The following SEMA3A variants were observed in gnomAD, a reference collection of about 807,000 sequenced individuals.
SEMA3A encodes the protein semaphorin-3A.
A neutral mutation model predicts 97.9 loss-of-function variants in SEMA3A; 29 were observed. The ratio of observed to expected loss-of-function variants is 0.30; its 90% CI spans 0.22 to 0.40. The LOEUF (loss-of-function observed/expected upper bound fraction) is 0.40. Ranked by LOEUF, SEMA3A falls within the 10% of genes least tolerant of loss-of-function variation. The probability of loss-of-function intolerance (pLI) is 1.00; values close to 1 mark genes in which losing one functional copy is unlikely to be tolerated. For missense variants in SEMA3A, 763 were observed against 951.3 expected, an observed-to-expected ratio of 0.80 and a Z score of 2.60; for synonymous variants, 321 against 323.7, an observed-to-expected ratio of 0.99 and a Z score of 0.09.
At chr7:84,261,207 G>A (rs1799849301) in intron 3 of SEMA3A, among the ~76,000 whole-genome samples, 2 of 152,122 alleles carry the variant, frequency 1.3e-5, no homozygotes, top group Non-Finnish European at 2.9e-5. Flanking sequence ...GTGGATAGGA[G>A]CTACTCACTT....
At chr7:84,065,692 C>A (rs1195754832) in intron 4 of SEMA3A, among the ~76,000 whole-genome samples, 1 of 152,132 alleles carries the variant, frequency 6.6e-6, no homozygotes, top group Non-Finnish European at 1.5e-5. Flanking sequence ...AATTCCTCGA[C>A]GTATACACTC....
At chr7:84,017,991 A>G (rs1009908092) in intron 6 of SEMA3A, among the ~76,000 whole-genome samples, 4 of 152,174 alleles carry the variant, frequency 2.6e-5, no homozygotes, top group Admixed American at 2.0e-4. Flanking sequence ...TCTGCTATAA[A>G]TTGAAGCTAT....
At chr7:84,401,932 C>T (rs1050404391) in intron 1 of SEMA3A, among the ~76,000 whole-genome samples, 28 of 152,110 alleles carry the variant, frequency 1.8e-4, no homozygotes, top group African/African-American at 6.0e-4. Context: ...CTTCAGGATG[C>T]TGTTCTGGGC....
Position 84,120,527 on chromosome 7 carries a change from T to A in SEMA3A, c.333+8596A>T, listed in dbSNP as rs555385146. Among the ~76,000 whole-genome samples the A allele has an allele frequency of 1.1e-4, 17 of 152,262 alleles. No homozygotes were observed. The South Asian group carries it at 3.5e-3, about 32-fold the overall frequency. On this transcript the variant is annotated intron_variant, in intron 3 of 16. Coordinates refer to ENST00000265362, the MANE Select transcript of SEMA3A (RefSeq NM_006080.3). ...TAATTATTCAGTTCAGTGTACCAGATATTTACCCACAAACAGATACAGACA... is the reference window on the plus strand; with the variant it reads ...TAATTATTCAGTTCAGTGTACCAGAAATTTACCCACAAACAGATACAGACA...
At chr7:84,038,462 T>C (rs958086925) in intron 6 of SEMA3A, among the ~76,000 whole-genome samples, 2 of 152,196 alleles carry the variant, frequency 1.3e-5, no homozygotes, top group Non-Finnish European at 2.9e-5. Flanking sequence ...CATAAATTAA[T>C]TCATATGTGA....
chr7:84,323,921 A>T (rs1801714510), intron 2 of SEMA3A, among the ~76,000 whole-genome samples: 2 of 152,184 alleles, frequency 1.3e-5, no homozygotes, highest in Non-Finnish European at 2.9e-5. Context: ...GTGACTTTAA[A>T]ATCATATATA....
chr7:84,281,122 C>T (rs1750803333), intron 3 of SEMA3A, among the ~76,000 whole-genome samples: 1 of 152,110 alleles, frequency 6.6e-6, no homozygotes, highest in Non-Finnish European at 1.5e-5. Flanking sequence ...GCCATTGCTC[C>T]TGAATTTTGA....
At chr7:84,321,872 G>GAAAACAAAAAAA (rs1801655049) in intron 2 of SEMA3A, among the ~76,000 whole-genome samples, 1 of 12,062 alleles carries the variant, frequency 8.3e-5, no homozygotes, top group Non-Finnish European at 1.8e-4. Flanking sequence ...CGAGACTACG[G>GAAAACAAAAAAA]AAAAAAAAAA....
At chr7:84,467,746 T>C (rs1806040170) in intron 1 of SEMA3A, among the ~76,000 whole-genome samples, 1 of 152,062 alleles carries the variant, frequency 6.6e-6, no homozygotes, top group African/African-American at 2.4e-5. Flanking sequence ...ACACAGACCA[T>C]TTTCTCTACC....
chr7:84,050,971 T>C lies in SEMA3A; in HGVS notation c.548-4528A>G, dbSNP rs1792605735. Reference sequence around the variant, plus strand: ...GCACCATTTATTAAATAGGGAATCCTTTCCCCATTGCTTGTTTTTCTCAGG... The same window carrying C: ...GCACCATTTATTAAATAGGGAATCCCTTCCCCATTGCTTGTTTTTCTCAGG... On this transcript the variant is annotated intron_variant, in intron 5 of 16. Transcript: ENST00000265362. 2.6e-5 allele frequency among the ~76,000 whole-genome samples: 4 copies of C among 151,894 alleles called. No homozygotes were observed. In the South Asian group the frequency reaches 6.3e-4, roughly 24 times the overall value.
chr7:84,396,774 A>G (rs1562931827), intron 1 of SEMA3A, among the ~76,000 whole-genome samples: 1 of 152,048 alleles, frequency 6.6e-6, no homozygotes, highest in Non-Finnish European at 1.5e-5. Context: ...TAACTGTATA[A>G]TATTTATTTT....
intron 3 of SEMA3A, among the ~76,000 whole-genome samples, chr7:84,201,619 A>C (rs1220534069): frequency 1.3e-5 from 2 of 152,044 alleles, no homozygotes; most frequent in East Asian, 3.9e-4. Flanking sequence ...TTTATTAGTT[A>C]ACAATGTTTT....
At chr7:84,380,848 T>A (rs1803240095) in intron 1 of SEMA3A, among the ~76,000 whole-genome samples, 1 of 152,188 alleles carries the variant, frequency 6.6e-6, no homozygotes, top group African/African-American at 2.4e-5. Context: ...GAGTTCAATG[T>A]TTCTCATGCA....
chr7:84,067,164 A>C (rs1002012391), intron 4 of SEMA3A, among the ~76,000 whole-genome samples: 26 of 152,300 alleles, frequency 1.7e-4, no homozygotes, highest in African/African-American at 6.0e-4. Context: ...AAAAACAAGC[A>C]ATCGGGAAAG....
intron 1 of SEMA3A, among the ~76,000 whole-genome samples, chr7:84,381,155 C>G (rs545312815): frequency 6.6e-6 from 1 of 152,208 alleles, no homozygotes; most frequent in African/African-American, 2.4e-5. Flanking sequence ...GCCCTTTACA[C>G]TTTATATTAA....
chr7:84,065,939 A>T (rs2115723592), intron 4 of SEMA3A, among the ~76,000 whole-genome samples: 1 of 151,760 alleles, frequency 6.6e-6, no homozygotes, highest in Admixed American at 6.6e-5. Context: ...CATCATTCTG[A>T]TACCAAAGCC....
intron 1 of SEMA3A, among the ~76,000 whole-genome samples, chr7:84,142,050 T>C (rs1308990597): frequency 6.6e-6 from 1 of 152,194 alleles, no homozygotes; most frequent in Non-Finnish European, 1.5e-5. Flanking sequence ...AGACACTATA[T>C]TTTTCCTCAA....
At chr7:84,416,514 C>A (rs1267964236) in intron 1 of SEMA3A, among the ~76,000 whole-genome samples, 1 of 152,108 alleles carries the variant, frequency 6.6e-6, no homozygotes, top group Non-Finnish European at 1.5e-5. Flanking sequence ...CATACAATGT[C>A]TTTTGGTATT....
At chr7:84,158,917 T>C (rs1160430083) in intron 1 of SEMA3A, among the ~76,000 whole-genome samples, 4 of 152,156 alleles carry the variant, frequency 2.6e-5, no homozygotes, top group African/African-American at 9.7e-5. Flanking sequence ...TTTCTGTAGA[T>C]GACAAGCATT....
Sources: allele counts gnomAD v4.1 joint callset (sites outside exome capture counted in the v4.1 genomes callset), GRCh38; gene constraint gnomAD v4.1.1; transcripts MANE v1.5; gene names NCBI Gene and HGNC (gene_info 2026-07-23, HGNC 2026-07-21).